The following SRP54 variants were observed in gnomAD, a reference collection of about 807,000 sequenced individuals.
SRP54 encodes the protein signal recognition particle subunit SRP54.
Under a neutral mutation model 64.8 loss-of-function variants are expected in SRP54, and 10 were observed. That is an observed-to-expected ratio of 0.15 (90% CI 0.10 to 0.26). The LOEUF (loss-of-function observed/expected upper bound fraction) is 0.26. SRP54 is among the 10% of genes least tolerant of loss of function. SRP54 has a pLI of 1.00. For synonymous variants in SRP54, 193 were observed against 185.6 expected, an observed-to-expected ratio of 1.04 and a Z score of -0.32; for missense variants, 325 against 613.7, an observed-to-expected ratio of 0.53 and a Z score of 4.97.
At chr14:35,006,407 G>A (rs1053577872) in intron 4 of SRP54, among the ~76,000 whole-genome samples, 1 of 152,172 alleles carries the variant, frequency 6.6e-6, no homozygotes, top group Non-Finnish European at 1.5e-5. Flanking sequence ...TGGTTATTGA[G>A]CATTTGTAAT....
At chr14:34,993,887 G>T (rs972053885) in intron 1 of SRP54, among the ~76,000 whole-genome samples, 1 of 151,998 alleles carries the variant, frequency 6.6e-6, no homozygotes, top group Non-Finnish European at 1.5e-5. Flanking sequence ...TAGAGACGGG[G>T]TTTCTCCATT....
At chr14:35,017,294 T>C (rs574661370) in intron 11 of SRP54, among the ~76,000 whole-genome samples, 1 of 152,350 alleles carries the variant, frequency 6.6e-6, no homozygotes, top group Admixed American at 6.5e-5. Context: ...ATTTCTAATA[T>C]TCTACTCATT....
chr14:35,025,419 G>C (rs2044605944), intron 14 of SRP54, among the ~76,000 whole-genome samples: 1 of 152,060 alleles, frequency 6.6e-6, no homozygotes, highest in African/African-American at 2.4e-5. Context: ...GTTGAAAATT[G>C]GTTATAATTC....
chr14:34,989,481 G>A (rs1437691676), intron 1 of SRP54, among the ~76,000 whole-genome samples: 1 of 151,710 alleles, frequency 6.6e-6, no homozygotes, highest in Non-Finnish European at 1.5e-5. Context: ...AAAAAAAAAA[G>A]AACTTTTTTG....
intron 1 of SRP54, among the ~76,000 whole-genome samples, chr14:34,995,630 T>TTA (rs913414280): frequency 2.0e-5 from 3 of 152,198 alleles, no homozygotes; most frequent in African/African-American, 7.2e-5. Flanking sequence ...TGTAATACTT[T>TTA]TATAAAACAG....
intron 7 of SRP54, among the ~76,000 whole-genome samples, chr14:35,010,222 T>G (rs1423029167): frequency 6.6e-6 from 1 of 150,932 alleles, no homozygotes; most frequent in Non-Finnish European, 1.5e-5. Context: ...CTTAGGCGGG[T>G]GGATCACCTG....
chr14:35,020,928 G>A (rs536988702), intron 13 of SRP54, among the ~76,000 whole-genome samples: 8 of 152,160 alleles, frequency 5.3e-5, no homozygotes, highest in African/African-American at 1.7e-4. Flanking sequence ...TTGAATTAAC[G>A]CCCCTTCCTC....
chr14:34,999,393 C>T (rs978322186), intron 2 of SRP54, among the ~76,000 whole-genome samples, 165 bp from the exon 3 acceptor site: 3 of 151,978 alleles, frequency 2.0e-5, no homozygotes, highest in African/African-American at 7.3e-5. Context: ...CTTATTTTGA[C>T]AAAATGACTA....
At chr14:34,993,933 G>A (rs1444360874) in intron 1 of SRP54, among the ~76,000 whole-genome samples, 3 of 151,902 alleles carry the variant, frequency 2.0e-5, no homozygotes, top group African/African-American at 4.8e-5. Context: ...AACCTCAGGT[G>A]ATCCGCCTGC....
At chr14:35,005,914 A>C (rs1594994421) in intron 4 of SRP54, among the ~76,000 whole-genome samples, 1 of 152,006 alleles carries the variant, frequency 6.6e-6, no homozygotes, top group Admixed American at 6.6e-5. Flanking sequence ...ATCTCGGCTC[A>C]CTGCAAGCTC....
chr14:35,026,760 TG>T (rs1351592162), intron 14 of SRP54, among the ~76,000 whole-genome samples: 2 of 152,066 alleles, frequency 1.3e-5, no homozygotes, highest in African/African-American at 4.8e-5. Context: ...CTGGCCAAAA[TG>T]GTGAAACCCT....
In SRP54 at chr14:35,029,271, T is replaced by C. The variant is rs1566659343; in HGVS notation, c.*119T>C. 3.2e-6 allele frequency: 2 copies of C among 622,788 alleles called. No homozygotes were observed. Among genetic ancestry groups the C allele is most frequent in the Non-Finnish European group, 2.6e-6 (1 of 377,616 alleles). The allele number at this position is 622,788 out of a possible 1,614,324, so 38.6% of individuals were successfully genotyped here. ...ATTTTTCTTGCTTATCATGCACTCT[T>C]TCCTTTTCTTCTCGCCCGCTTTTCC... On this transcript the variant is annotated 3_prime_UTR_variant, in exon 16 of 16. Transcript: ENST00000216774.
At chr14:34,992,511 C>T (rs2138967039) in intron 1 of SRP54, among the ~76,000 whole-genome samples, 1 of 152,192 alleles carries the variant, frequency 6.6e-6, no homozygotes, top group South Asian at 2.1e-4. Flanking sequence ...GAGCAGGAGG[C>T]CATTATCCTA....
intron 2 of SRP54, among the ~76,000 whole-genome samples, chr14:34,999,294 C>T (rs1028863442): frequency 1.3e-5 from 2 of 152,014 alleles, no homozygotes; most frequent in African/African-American, 2.4e-5. Flanking sequence ...GGATTACAGG[C>T]GTGAGCCACC....
intron 13 of SRP54, among the ~76,000 whole-genome samples, 178 bp from the exon 14 acceptor site, chr14:35,022,730 CTA>C (rs1342709622): frequency 6.6e-6 from 1 of 152,104 alleles, no homozygotes; most frequent in African/African-American, 2.4e-5. Flanking sequence ...GGTAGTTTGA[CTA>C]TGTATTATGT....
rs944056897 is a variant in SRP54 at position 35,001,110 on chromosome 14, T to G, written c.255+90T>G. 7.9e-6 allele frequency: 4 copies of G among 506,060 alleles called. No homozygotes were observed. In the African/African-American group the frequency reaches 8.0e-5, roughly 10 times the overall value. The allele number at this position is 506,060 out of a possible 1,614,324, so 31.3% of individuals were successfully genotyped here. ...AAATATTTCAGAATTTTTAAATATG[T>G]TTTTTATGGAATATTCATCTGTATT... On this transcript the variant is annotated intron_variant, in intron 4 of 15. Transcript: ENST00000216774.
intron 4 of SRP54, among the ~76,000 whole-genome samples, chr14:35,005,925 C>T (rs1004530421): frequency 3.3e-5 from 5 of 151,976 alleles, no homozygotes; most frequent in African/African-American, 4.8e-5. Context: ...CTGCAAGCTC[C>T]GCCACCCGGG....
intron 11 of SRP54, among the ~76,000 whole-genome samples, chr14:35,016,653 A>C (rs1232719462): frequency 6.6e-6 from 1 of 152,084 alleles, no homozygotes; most frequent in Non-Finnish European, 1.5e-5. Flanking sequence ...ATTAATTTTT[A>C]TATTATTCAG....
chr14:35,013,946 G>A (rs766397625), intron 10 of SRP54, 44 bp downstream of exon 10: 17 of 1,338,402 alleles, frequency 1.3e-5, no homozygotes, highest in South Asian at 9.8e-5. Flanking sequence ...CAAGAAATAC[G>A]ATGTATCTTT....
Sources: allele counts gnomAD v4.1 joint callset (sites outside exome capture counted in the v4.1 genomes callset), GRCh38; gene constraint gnomAD v4.1.1; transcripts MANE v1.5; gene names NCBI Gene and HGNC (gene_info 2026-07-23, HGNC 2026-07-21).